The following NKAIN3 variants were observed in gnomAD, a reference collection of about 807,000 sequenced individuals.
NKAIN3 encodes the protein sodium/potassium transporting ATPase interacting 3.
NKAIN3 carries 25 observed loss-of-function variants against 30.2 expected under a neutral mutation model. The observed-to-expected ratio is 0.83, with a 90% CI of 0.60 to 1.16. The LOEUF (loss-of-function observed/expected upper bound fraction) is 1.16, where lower values mean the gene tolerates loss of function less well. Ranked by LOEUF, NKAIN3 falls within the 50% of genes most tolerant of loss-of-function variation. The pLI is 0.00. For missense variants in NKAIN3, 225 were observed against 254.1 expected, an observed-to-expected ratio of 0.89 and a Z score of 0.78; for synonymous variants, 91 against 89.6, an observed-to-expected ratio of 1.02 and a Z score of -0.09.
chr8:62,571,089 G>A (rs1839873), intron 1 of NKAIN3, among the ~76,000 whole-genome samples: 31,368 of 151,320 alleles, frequency 0.21, 3,454 homozygotes, highest in East Asian at 0.37. Flanking sequence ...TAGCTAAGTT[G>A]GTATTTCCTA....
chr8:62,483,040 TCTC>T (rs941039459), intron 1 of NKAIN3: 8 of 152,210 alleles, frequency 5.3e-5, no homozygotes, highest in African/African-American at 1.9e-4. Context: ...AGCCGTCTCT[TCTC>T]CTTTGCAGAG....
chr8:62,780,241 G>A (rs562533806), intron 4 of NKAIN3, among the ~76,000 whole-genome samples: 1 of 152,086 alleles, frequency 6.6e-6, no homozygotes, highest in African/African-American at 2.4e-5. Flanking sequence ...ATTGACCCAA[G>A]AAGAAGTAGA....
intron 3 of NKAIN3, among the ~76,000 whole-genome samples, chr8:62,645,177 C>T (rs1812424441): frequency 6.6e-6 from 1 of 152,062 alleles, no homozygotes; most frequent in Non-Finnish European, 1.5e-5. Context: ...AACAGCGGAC[C>T]ACTCTTCAAT....
chr8:62,275,516 A>G (rs930244368), intron 1 of NKAIN3, among the ~76,000 whole-genome samples: 1 of 152,228 alleles, frequency 6.6e-6, no homozygotes, highest in African/African-American at 2.4e-5. Context: ...CCATATTGAT[A>G]GACTTACTTC....
At chr8:62,508,337 G>A (rs191590632) in intron 1 of NKAIN3, among the ~76,000 whole-genome samples, 2 of 152,222 alleles carry the variant, frequency 1.3e-5, no homozygotes, top group East Asian at 3.9e-4. Flanking sequence ...ATTTGCTTTA[G>A]ACCCATTCTT....
rs1810293126 is a variant in NKAIN3, at chr8:62,581,553, C to T, written c.192+1877C>T. Among the ~76,000 whole-genome samples the T allele has an allele frequency of 2.0e-5, 3 of 152,084 alleles. No homozygotes were observed. In the South Asian group the frequency reaches 6.2e-4, roughly 32 times the overall value. ...TTCTCTCTTCTATAGATAGACTTTG[C>T]CTCTTATTTTCTACCTTTCTCCCTT... On this transcript the variant is annotated intron_variant, in intron 2 of 6. Coordinates refer to ENST00000623646, the MANE Select transcript of NKAIN3 (RefSeq NM_001304533.3).
intron 4 of NKAIN3, chr8:62,863,298 C>A: frequency 6.5e-7 from 1 of 1,529,060 alleles, no homozygotes; most frequent in Admixed American, 2.0e-5. Context: ...GAGCCGTACT[C>A]ACTGCAGACC....
chr8:62,791,358 C>G (rs1354239489), intron 4 of NKAIN3, among the ~76,000 whole-genome samples: 1 of 152,060 alleles, frequency 6.6e-6, no homozygotes, highest in Admixed American at 6.6e-5. Context: ...CCAGAGCAAA[C>G]TATGTGGGTA....
Position 62,942,147 on chromosome 8 carries a change from T to C in NKAIN3, c.533-11755T>C, listed in dbSNP as rs1247589934. On this transcript the variant is annotated intron_variant, in intron 5 of 6. Transcript: ENST00000623646. Reference sequence around the variant, plus strand: ...ACAAAGCTGTGAATCAAATAAGAACTCAATCCTTTTACAATAGCTGCAATA... The same window carrying C: ...ACAAAGCTGTGAATCAAATAAGAACCCAATCCTTTTACAATAGCTGCAATA... Among the ~76,000 whole-genome samples the C allele has an allele frequency of 2.0e-5, 3 of 149,600 alleles. 1 individual carries two copies. The highest frequency in any genetic ancestry group is 4.9e-5 in the African/African-American group (2 of 40,800).
intron 1 of NKAIN3, among the ~76,000 whole-genome samples, chr8:62,521,242 A>G (rs1031070881): frequency 2.6e-5 from 4 of 152,022 alleles, no homozygotes; most frequent in Admixed American, 6.6e-5. Flanking sequence ...CTCTGATTCT[A>G]GGAAAACCCA....
intron 5 of NKAIN3, among the ~76,000 whole-genome samples, chr8:62,950,451 C>T (rs1323420095): frequency 1.2e-4 from 18 of 152,110 alleles, no homozygotes; most frequent in Non-Finnish European, 2.4e-4. Context: ...TTCTTTATTA[C>T]TTACTTTTCA....
At chr8:62,811,390 G>T (rs546512618) in intron 4 of NKAIN3, among the ~76,000 whole-genome samples, 5 of 152,138 alleles carry the variant, frequency 3.3e-5, no homozygotes, top group East Asian at 1.9e-4. Context: ...ATGCTTAAAA[G>T]TGTAATTTCT....
intron 5 of NKAIN3, among the ~76,000 whole-genome samples, chr8:62,950,944 CTTT>C (rs71559384): frequency 0.017 from 1,668 of 100,640 alleles, 41 homozygotes; most frequent in African/African-American, 0.06. Flanking sequence ...AAACAGAATC[CTTT>C]TTTTTTTTTT....
chr8:62,678,478 T>C (rs1171694222), intron 3 of NKAIN3, among the ~76,000 whole-genome samples: 1 of 152,194 alleles, frequency 6.6e-6, no homozygotes, highest in African/African-American at 2.4e-5. Context: ...TCTCCCACTC[T>C]TACTGGTTGC....
chr8:62,991,627 TG>T (rs1367055615), intron 5 of NKAIN3, among the ~76,000 whole-genome samples: 2 of 152,260 alleles, frequency 1.3e-5, no homozygotes, highest in Non-Finnish European at 2.9e-5. Context: ...TCATTAAGTT[TG>T]TTTTCAGAGT....
intron 3 of NKAIN3, among the ~76,000 whole-genome samples, chr8:62,716,683 C>G (rs1814914146): frequency 6.6e-6 from 1 of 151,142 alleles, no homozygotes; most frequent in African/African-American, 2.4e-5. Flanking sequence ...GAGCTGGCAT[C>G]AGAACATTAA....
At chr8:62,437,344 T>C (rs1356485487) in intron 1 of NKAIN3, among the ~76,000 whole-genome samples, 1 of 152,194 alleles carries the variant, frequency 6.6e-6, no homozygotes, top group African/African-American at 2.4e-5. Context: ...ATAGTTAACA[T>C]AAACGTTAAC....
chr8:62,765,462 A>C (rs1816808964), intron 4 of NKAIN3, among the ~76,000 whole-genome samples: 1 of 152,008 alleles, frequency 6.6e-6, no homozygotes, highest in Non-Finnish European at 1.5e-5. Flanking sequence ...CCTAAGCAGA[A>C]TTCACCTGCC....
intron 3 of NKAIN3, among the ~76,000 whole-genome samples, chr8:62,707,474 A>T (rs1563525153): frequency 6.6e-6 from 1 of 152,070 alleles, no homozygotes; most frequent in Non-Finnish European, 1.5e-5. Context: ...TTTCCTGATC[A>T]TTAGTGATGT....
Sources: gnomAD v4.1 joint callset for allele counts (sites outside exome capture counted in the v4.1 genomes callset) on GRCh38, gnomAD v4.1.1 for gene constraint, MANE v1.5 for transcripts, NCBI Gene and HGNC (gene_info 2026-07-23, HGNC 2026-07-21) for gene names.